Variants in MPPED2 observed in about 807,000 individuals in gnomAD.
The protein encoded by MPPED2 is metallophosphoesterase domain containing 2.
MPPED2 carries 5 observed loss-of-function variants against 33.0 expected under a neutral mutation model. The observed-to-expected ratio is 0.15, with a 90% CI of 0.08 to 0.32. The LOEUF (loss-of-function observed/expected upper bound fraction) is 0.32, where lower values mean the gene tolerates loss of function less well. MPPED2 is among the 10% of genes least tolerant of loss of function. MPPED2 has a pLI of 1.00. For missense variants in MPPED2, 275 were observed against 372.1 expected (o/e 0.74, Z 2.15); for synonymous variants, 136 against 141.9 (o/e 0.96, Z 0.29).
At chr11:30,486,803 TA>T (rs1334148652) in intron 4 of MPPED2, among the ~76,000 whole-genome samples, 1 of 152,238 alleles carries the variant, frequency 6.6e-6, no homozygotes, top group Non-Finnish European at 1.5e-5. Context: ...CACATGTTAT[TA>T]AAGCCCATGG....
At chr11:30,495,811 G>T (rs528303465) in intron 3 of MPPED2, among the ~76,000 whole-genome samples, 1 of 152,226 alleles carries the variant, frequency 6.6e-6, no homozygotes, top group African/African-American at 2.4e-5. Context: ...AATCCACAGG[G>T]TAATGAATCC....
intron 2 of MPPED2, among the ~76,000 whole-genome samples, chr11:30,566,146 A>G (rs1233500429): frequency 3.9e-5 from 6 of 152,182 alleles, no homozygotes; most frequent in Non-Finnish European, 1.5e-5. Flanking sequence ...TAAACTCCAC[A>G]TATTAGGAGC....
intron 4 of MPPED2, among the ~76,000 whole-genome samples, chr11:30,468,385 T>C (rs1300355763): frequency 1.3e-5 from 2 of 152,212 alleles, no homozygotes; most frequent in African/African-American, 4.8e-5. Flanking sequence ...CCTACCACTG[T>C]ATGCATTGCT....
rs377107998 is a variant in MPPED2 at position 30,513,346 on chromosome 11, G to C, written c.311-17825C>G. ...TTTTTGGTCAGGCCTTGTCTTCTGTGCACATCTTTGTTTCAAGAGGTCTAG... is the reference window on the plus strand; with the variant it reads ...TTTTTGGTCAGGCCTTGTCTTCTGTCCACATCTTTGTTTCAAGAGGTCTAG... On this transcript the variant is annotated intron_variant, in intron 3 of 6. Transcript: ENST00000358117. Among the ~76,000 whole-genome samples the C allele has an allele frequency of 4.6e-5, 7 of 152,128 alleles. No homozygotes were observed. In the South Asian group the frequency reaches 1.4e-3, roughly 32 times the overall value.
chr11:30,401,350 C>T (rs1451121829), intron 6 of MPPED2, among the ~76,000 whole-genome samples: 1 of 152,174 alleles, frequency 6.6e-6, no homozygotes, highest in Non-Finnish European at 1.5e-5. Context: ...GAATCTTATG[C>T]TAAGTAAAGT....
chr11:30,511,528 CG>C (rs1243465717), intron 3 of MPPED2, among the ~76,000 whole-genome samples: 1 of 152,038 alleles, frequency 6.6e-6, no homozygotes, highest in Non-Finnish European at 1.5e-5. Flanking sequence ...CCTTTTTCAA[CG>C]AACAGTAAAG....
chr11:30,442,754 A>G (rs187408808), intron 4 of MPPED2, among the ~76,000 whole-genome samples: 1 of 152,328 alleles, frequency 6.6e-6, no homozygotes, highest in African/African-American at 2.4e-5. Flanking sequence ...TCACACCTAT[A>G]ATCCCAATAC....
At chr11:30,409,522 T>C (rs921445733), downstream of MPPED2, among the ~76,000 whole-genome samples, 1 of 152,240 alleles carries the variant, frequency 6.6e-6, no homozygotes, top group Non-Finnish European at 1.5e-5. Context: ...CATGTGACTC[T>C]GAGCAGGAAT....
chr11:30,492,694 A>G (rs1456848700), intron 4 of MPPED2, among the ~76,000 whole-genome samples: 1 of 103,692 alleles, frequency 9.6e-6, no homozygotes. Context: ...ACATTAAAAA[A>G]ATAAATTGAC....
intron 4 of MPPED2, among the ~76,000 whole-genome samples, chr11:30,488,278 G>A (rs1253746038): frequency 1.3e-5 from 2 of 152,224 alleles, no homozygotes; most frequent in East Asian, 1.9e-4. Context: ...AGTTCTCTGA[G>A]TGAAATACAC....
At chr11:30,566,028 T>G (rs1042914121) in intron 2 of MPPED2, among the ~76,000 whole-genome samples, 1 of 151,808 alleles carries the variant, frequency 6.6e-6, no homozygotes, top group African/African-American at 2.4e-5. Context: ...AAAAAAAAAA[T>G]GTAGAGTTGT....
At chr11:30,394,230 G>A (rs1947813462) in intron 6 of MPPED2, among the ~76,000 whole-genome samples, 2 of 152,172 alleles carry the variant, frequency 1.3e-5, no homozygotes, top group Admixed American at 6.5e-5. Context: ...GATACTATAA[G>A]CATTTGTATG....
chr11:30,549,763 C>T (rs1955610276), intron 2 of MPPED2, among the ~76,000 whole-genome samples: 1 of 152,172 alleles, frequency 6.6e-6, no homozygotes, highest in African/African-American at 2.4e-5. Context: ...TTGTTTCAAG[C>T]TCTCTTCCTC....
chr11:30,420,810 C>G (rs1287672426), intron 4 of MPPED2, among the ~76,000 whole-genome samples: 1 of 152,176 alleles, frequency 6.6e-6, no homozygotes, highest in Non-Finnish European at 1.5e-5. Flanking sequence ...GGTTCTTAAA[C>G]ATTTTTATTA....
chr11:30,511,614 A>G (rs1565140273), intron 3 of MPPED2, among the ~76,000 whole-genome samples: 1 of 152,180 alleles, frequency 6.6e-6, no homozygotes, highest in African/African-American at 2.4e-5. Flanking sequence ...ATGCATGCAC[A>G]CCACATGTGC....
chr11:30,431,724 G>A (rs1949086111), intron 4 of MPPED2, among the ~76,000 whole-genome samples: 1 of 151,954 alleles, frequency 6.6e-6, no homozygotes, highest in African/African-American at 2.4e-5. Context: ...GTTGTTTTCT[G>A]TTTTGTTTTG....
intron 3 of MPPED2, among the ~76,000 whole-genome samples, chr11:30,511,817 C>A (rs1033104323): frequency 1.1e-4 from 17 of 152,148 alleles, no homozygotes; most frequent in African/African-American, 4.1e-4. Context: ...TAATTTTCTA[C>A]CTTCAGAAGG....
intron 3 of MPPED2, among the ~76,000 whole-genome samples, chr11:30,520,383 A>T (rs1165546677): frequency 6.6e-6 from 1 of 152,202 alleles, no homozygotes; most frequent in African/African-American, 2.4e-5. Context: ...AAAAGCTGGG[A>T]AATTCAGGCA....
chr11:30,442,644 G>A lies in MPPED2; in HGVS notation c.537-25011C>T, dbSNP rs971120377. Among the ~76,000 whole-genome samples the A allele has an allele frequency of 2.6e-5, 4 of 152,186 alleles. No individual in the cohort carries two copies. The South Asian group carries it at 8.3e-4, about 31-fold the overall frequency. On this transcript the variant is annotated intron_variant, in intron 4 of 6. Coordinates refer to ENST00000358117, the MANE Select transcript of MPPED2 (RefSeq NM_001584.3). ...CTAGAGTGACCAACTCCACCTGGGA[G>A]AGTCCCAGAAAATATCACATTATAG...
Sources: gnomAD v4.1 joint callset for allele counts (sites outside exome capture counted in the v4.1 genomes callset) on GRCh38, gnomAD v4.1.1 for gene constraint, MANE v1.5 for transcripts, NCBI Gene and HGNC (gene_info 2026-07-23, HGNC 2026-07-21) for gene names.